EGR4: variants seen among roughly 807,000 people sequenced by gnomAD.
The protein encoded by EGR4 is early growth response protein 4.
In EGR4, 22 loss-of-function variants were observed where a neutral mutation model predicts 25.4. The observed-to-expected ratio is 0.87, with a 90% CI of 0.62 to 1.24. The LOEUF (loss-of-function observed/expected upper bound fraction) is 1.24, where lower values mean the gene tolerates loss of function less well. Ranked by LOEUF, EGR4 falls within the 50% of genes most tolerant of loss-of-function variation. EGR4 has a pLI of 0.00. For missense variants in EGR4, 742 were observed against 702.9 expected (o/e 1.06, Z -0.63); for synonymous variants, 375 against 320.1 (o/e 1.17, Z -1.83).
chr2:73,291,967 G>T lies in EGR4; in HGVS notation c.951C>A (p.Arg317=), dbSNP rs772427383. 2 of 1,596,460 alleles carry T rather than the reference G, an allele frequency of 1.3e-6. No homozygotes were observed. Among genetic ancestry groups the T allele is most frequent in the South Asian group, 2.3e-5 (2 of 88,310 alleles). ...TAGGGAAGTCCGCCGCGGCGGCGCT[G>T]CGAAGGCCCAGCGGGGAAAGCTGAG... ...TQPQLSPLGL[R]SAAAADFPKP... is the part of the protein sequence containing the mutation. Residue 317 remains arginine, a synonymous_variant, in exon 2 of 2, where the codon CGC becomes CGA. Coordinates refer to ENST00000436467, the MANE Select transcript of EGR4 (RefSeq NM_001965.4).
In EGR4 at chr2:73,292,248, CTCCCTG is replaced by C; in HGVS notation, c.664_669del (p.Gln222_Gly223del). 6.2e-7 allele frequency: 1 copy of C among 1,610,752 alleles called. No individual in the cohort carries two copies. The highest frequency in any genetic ancestry group is 8.5e-7 in the Non-Finnish European group (1 of 1,178,768). On this transcript the variant is annotated inframe_deletion, in exon 2 of 2. Transcript: ENST00000436467. ...CGAGCCTCCGGGGCGGCCTGGTAGT[CTCCCTG>C]TGACCCACAGTTCCCTGGGGCCCCC...
In EGR4 at chr2:73,293,519, TC is replaced by T; in HGVS notation, c.-203del. 1.4e-6 allele frequency: 2 copies of T among 1,478,796 alleles called. No individual in the cohort carries two copies. The highest frequency in any genetic ancestry group is 1.8e-6 in the Non-Finnish European group (2 of 1,116,456). 91.6% of individuals were successfully genotyped at this position (1,478,796 alleles called of 1,614,324 possible). A position where few individuals can be genotyped will look rare whatever the true frequency, so the allele number is the denominator to read the frequency against. On this transcript the variant is annotated 5_prime_UTR_variant, in exon 1 of 2. Coordinates refer to ENST00000436467, the MANE Select transcript of EGR4 (RefSeq NM_001965.4). The stretch of plus-strand genomic sequence containing the variant: ...GCCCGCACCGGCCTCGGGCGGCGGC[TC>T]CTCGCCTCTCCAAAGCGCTGCCGGG...
Position 73,293,322 on chromosome 2 carries a change from C to T in EGR4, c.-5G>A, listed in dbSNP as rs1235793301. 4.4e-6 allele frequency: 7 copies of T among 1,574,890 alleles called. No homozygotes were observed. Among genetic ancestry groups the T allele is most frequent in the East Asian group, 4.7e-5 (2 of 42,502 alleles). ...AAACTCGCTAAGGTGGAGCATGGCG[C>T]GGCGCCGGCTGTGGGGCGCCCGGGG... On this transcript the variant is annotated 5_prime_UTR_variant, in exon 1 of 2. Coordinates refer to ENST00000436467, the MANE Select transcript of EGR4 (RefSeq NM_001965.4).
Position 73,292,544 on chromosome 2 carries a change from G to A in EGR4, c.374C>T (p.Pro125Leu). The change falls in exon 2 of 2, where the codon CCG (proline) becomes CTG (leucine). Residue 125 changes from proline (P) to leucine (L), a missense_variant. Pro to Leu is a moderately conservative substitution (Grantham distance 98, BLOSUM62 -3). Transcript: ENST00000436467. Reference protein sequence around the residue: ...PGPEAAASRSPLDAPFPAGSD... With the variant: ...PGPEAAASRSLLDAPFPAGSD... ...CCCCGCAGGAAAAGGGGCATCCAGC[G>A]GGGATCTGGACGCTGCTGCCTCTGG... 1 of 1,512,728 alleles carries A rather than the reference G, an allele frequency of 6.6e-7. No individual in the cohort carries two copies. Among genetic ancestry groups the A allele is most frequent in the African/African-American group, 1.4e-5 (1 of 71,640 alleles). The allele number at this position is 1,512,728 out of a possible 1,614,324, so 93.7% of individuals were successfully genotyped here.
Position 73,293,247 on chromosome 2 carries a change from T to A in EGR4, c.71A>T (p.Glu24Val). The change falls in exon 1 of 2, where the codon GAA becomes GTA. Residue 24 changes from glutamate to valine, a missense_variant. By Grantham distance (121) the Glu-to-Val change is moderately radical. Transcript: ENST00000436467. ...CAGCCGGGGCAATTCAGCGCTGGGTTCGGCGCAACAGCCTTCAGTGGACTT... is the reference window on the plus strand; with the variant it reads ...CAGCCGGGGCAATTCAGCGCTGGGTACGGCGCAACAGCCTTCAGTGGACTT... ...LVKSTEGCCA[E>V]PSAELPRLPA... The A allele has an allele frequency of 6.3e-7, 1 of 1,576,920 alleles. No individual in the cohort carries two copies. The highest frequency in any genetic ancestry group is 1.2e-5 in the South Asian group (1 of 84,848).
rs367702367 is a variant in EGR4 at position 73,291,816 on chromosome 2, T to C, written c.1102A>G (p.Thr368Ala). Reference protein sequence around the residue: ...RKGRRGGKCSTRCFCPRPHAK... With the variant: ...RKGRRGGKCSARCFCPRPHAK... ...TGCGGCCGCGGGCAGAAGCAGCGCG[T>C]GCTGCATTTGCCGCCGCGGCGCCCC... is the stretch of plus-strand genomic sequence containing the variant. The change falls in exon 2 of 2, where the codon ACG becomes GCG. Residue 368 changes from threonine to alanine, a missense_variant. By Grantham distance (58) the Thr-to-Ala change is moderately conservative. Transcript: ENST00000436467. The C allele has an allele frequency of 5.5e-5, 87 of 1,590,578 alleles. No homozygotes were observed. The highest frequency in any genetic ancestry group is 6.8e-5 in the Non-Finnish European group (80 of 1,173,756).
At position 73,291,900 on chromosome 2, in the gene EGR4, C is replaced by A. The variant is rs1472614080; in HGVS notation, c.1018G>T (p.Ala340Ser). The change falls in exon 2 of 2, where the codon GCA becomes TCA. Residue 340 changes from alanine to serine, a missense_variant. Transcript: ENST00000436467. ...ADIPGSSGVA[A>S]PPVPPPPPTP... ...GGCGGCGGCGGCGGCACGGGTGGTG[C>A]AGCCACGCCACTGCTTCCAGGGATG... The A allele has an allele frequency of 3.2e-6, 5 of 1,573,108 alleles. No homozygotes were observed. Among genetic ancestry groups the A allele is most frequent in the Middle Eastern group, 1.7e-4 (1 of 6,000 alleles).
rs777908272 is a variant in EGR4 at position 73,293,250 on chromosome 2, G to A, written c.68C>T (p.Ala23Val). ...LLVKSTEGCCAEPSAELPRLP... is the reference protein window; with the variant it reads ...LLVKSTEGCCVEPSAELPRLP... ...CCGGGGCAATTCAGCGCTGGGTTCG[G>A]CGCAACAGCCTTCAGTGGACTTGAC... The change falls in exon 1 of 2, where the codon GCC (alanine) becomes GTC (valine). Residue 23 changes from alanine to valine, a missense_variant. By Grantham distance (64) the Ala-to-Val change is moderately conservative (BLOSUM62 0). Transcript: ENST00000436467. The A allele has an allele frequency of 6.3e-7, 1 of 1,579,086 alleles. No individual in the cohort carries two copies. The highest frequency in any genetic ancestry group is 2.3e-5 in the East Asian group (1 of 42,888).
rs1290508750 is a variant in EGR4, at chr2:73,290,941, A to T, written c.*516T>A. 1 of 153,922 alleles carries T rather than the reference A, an allele frequency of 6.5e-6. No individual in the cohort carries two copies. The highest frequency in any genetic ancestry group is 1.4e-5 in the Non-Finnish European group (1 of 69,200). 9.5% of individuals were successfully genotyped at this position (153,922 alleles called of 1,614,324 possible). A position where few individuals can be genotyped will look rare whatever the true frequency, so the allele number is the denominator to read the frequency against. ...ATGGCAGATTCAGTAAGCTTTTAGCACAATAATTTTAATTGCAAAAATAAA... is the reference window on the plus strand; with the variant it reads ...ATGGCAGATTCAGTAAGCTTTTAGCTCAATAATTTTAATTGCAAAAATAAA... On this transcript the variant is annotated 3_prime_UTR_variant, in exon 2 of 2. Coordinates refer to ENST00000436467, the MANE Select transcript of EGR4 (RefSeq NM_001965.4).
chr2:73,291,769 C>T lies in EGR4; in HGVS notation c.1149G>A (p.Pro383=), dbSNP rs776197204. Residue 383 remains proline, a synonymous_variant, in exon 2 of 2, where the codon CCG becomes CCA. Coordinates refer to ENST00000436467, the MANE Select transcript of EGR4 (RefSeq NM_001965.4). ...PRPHAKAFAC[P]VESCVRSFAR... ...CAAAGCTCCGCACACAACTCTCCAC[C>T]GGGCAAGCGAAGGCCTTGGCGTGCG... is the stretch of plus-strand genomic sequence containing the variant. The T allele has an allele frequency of 5.0e-6, 8 of 1,601,030 alleles. No individual in the cohort carries two copies. The highest frequency in any genetic ancestry group is 4.5e-5 in the East Asian group (2 of 44,814).
Position 73,291,690 on chromosome 2 carries a change from A to G in EGR4, c.1228T>C (p.Phe410Leu). ...TTGCGGAGGCAGATGCGGCACTGGA[A>G]GGGTTTGTGGCCCGTGTGGATGCGC... is the stretch of plus-strand genomic sequence containing the variant. ...HLRIHTGHKP[F>L]QCRICLRNFS... is the part of the protein sequence containing the mutation. The change falls in exon 2 of 2, where the codon TTC becomes CTC. Residue 410 changes from phenylalanine to leucine, a missense_variant. Phe to Leu is a conservative substitution (Grantham distance 22, BLOSUM62 0). Coordinates refer to ENST00000436467, the MANE Select transcript of EGR4 (RefSeq NM_001965.4). 2.5e-6 allele frequency: 4 copies of G among 1,609,142 alleles called. No homozygotes were observed. The highest frequency in any genetic ancestry group is 3.4e-6 in the Non-Finnish European group (4 of 1,179,844).
rs1341735985 is a variant in EGR4, at chr2:73,292,515, C to T, written c.403G>A (p.Asp135Asn). 9.9e-6 allele frequency: 15 copies of T among 1,517,626 alleles called. No individual in the cohort carries two copies. The highest frequency in any genetic ancestry group is 1.4e-5 in the African/African-American group (1 of 71,696). The allele number at this position is 1,517,626 out of a possible 1,614,324, so 94.0% of individuals were successfully genotyped here. The stretch of plus-strand genomic sequence containing the variant: ...TCCGGCGGACCCGGCAGCAAGGCAT[C>T]GGACCCCGCAGGAAAAGGGGCATCC... ...PLDAPFPAGSDALLPGPPDLY... is the reference protein window; with the variant it reads ...PLDAPFPAGSNALLPGPPDLY... Residue 135 changes from aspartate to asparagine, a missense_variant, in exon 2 of 2, where the codon GAT becomes AAT. Physicochemically the swap from Asp to Asn is conservative, Grantham distance 23 (BLOSUM62 1). Transcript: ENST00000436467.
rs1028881840 is a variant in EGR4 at position 73,291,620 on chromosome 2, G to A, written c.1298C>T (p.Thr433Ile). The change falls in exon 2 of 2, where the codon ACC (threonine) becomes ATC (isoleucine). Residue 433 changes from threonine (T) to isoleucine (I), a missense_variant. By Grantham distance (89) the Thr-to-Ile change is moderately conservative. Transcript: ENST00000436467. ...DHLTTHVRTH[T>I]GEKPFACDVC... ...GTCGCAAGCAAAAGGCTTCTCGCCG[G>A]TGTGGGTGCGCACGTGCGTGGTGAG... 1 of 1,613,028 alleles carries A rather than the reference G, an allele frequency of 6.2e-7. No homozygotes were observed. The highest frequency in any genetic ancestry group is 8.5e-7 in the Non-Finnish European group (1 of 1,179,928).
chr2:73,291,626 G>A lies in EGR4; in HGVS notation c.1292C>T (p.Thr431Ile). Residue 431 changes from threonine to isoleucine, a missense_variant, in exon 2 of 2, where the codon ACC becomes ATC. Coordinates refer to ENST00000436467, the MANE Select transcript of EGR4 (RefSeq NM_001965.4). Reference protein sequence around the residue: ...RSDHLTTHVRTHTGEKPFACD... With the variant: ...RSDHLTTHVRIHTGEKPFACD... ...AGCAAAAGGCTTCTCGCCGGTGTGG[G>A]TGCGCACGTGCGTGGTGAGGTGGTC... is the stretch of plus-strand genomic sequence containing the variant. 1.9e-6 allele frequency: 3 copies of A among 1,612,850 alleles called. No individual in the cohort carries two copies. Among genetic ancestry groups the A allele is most frequent in the Non-Finnish European group, 2.5e-6 (3 of 1,179,924 alleles).
In EGR4 at chr2:73,291,953, G is replaced by T; in HGVS notation, c.965C>A (p.Ala322Glu). The T allele has an allele frequency of 6.3e-7, 1 of 1,590,378 alleles. No homozygotes were observed. The highest frequency in any genetic ancestry group is 1.1e-5 in the South Asian group (1 of 87,868). Residue 322 changes from alanine (A) to glutamate (E), a missense_variant, in exon 2 of 2, where the codon GCG becomes GAG. Physicochemically the swap from Ala to Glu is moderately radical, Grantham distance 107. Transcript: ENST00000436467. ...CGCCACCAGAGGTTTAGGGAAGTCCGCCGCGGCGGCGCTGCGAAGGCCCAG... is the reference window on the plus strand; with the variant it reads ...CGCCACCAGAGGTTTAGGGAAGTCCTCCGCGGCGGCGCTGCGAAGGCCCAG... ...SPLGLRSAAA[A>E]DFPKPLVADI...
chr2:73,292,628 T>C lies in EGR4; in HGVS notation c.290A>G (p.Asp97Gly), dbSNP rs1689134261. The change falls in exon 2 of 2, where the codon GAC (aspartate) becomes GGC (glycine). Residue 97 changes from aspartate (D) to glycine (G), a missense_variant. Physicochemically the swap from Asp to Gly is moderately conservative, Grantham distance 94. Coordinates refer to ENST00000436467, the MANE Select transcript of EGR4 (RefSeq NM_001965.4). ...CATGAGGTTGAAGAGTGCCTCCGGG[T>C]CGTGCGGGTGTTCGGGCACTGCCTG... ...FIQAVPEHPH[D>G]PEALFNLMSG... The C allele has an allele frequency of 1.3e-6, 2 of 1,546,296 alleles. No homozygotes were observed. Among genetic ancestry groups the C allele is most frequent in the Non-Finnish European group, 1.7e-6 (2 of 1,146,808 alleles).
In EGR4 at chr2:73,292,366, G is replaced by C. The variant is rs779921623; in HGVS notation, c.552C>G (p.Pro184=). The C allele has an allele frequency of 8.8e-5, 136 of 1,552,888 alleles. No individual in the cohort carries two copies. Among genetic ancestry groups the C allele is most frequent in the Non-Finnish European group, 1.1e-4 (131 of 1,151,500 alleles). ...EPQLSPPDVK[P]GLRAPPASPA... Reference sequence around the variant, plus strand: ...GCGAGGCGGGAGGCGCCCGGAGGCCGGGCTTGACGTCGGGCGGGGAGAGCT... The same window carrying C: ...GCGAGGCGGGAGGCGCCCGGAGGCCCGGCTTGACGTCGGGCGGGGAGAGCT... Residue 184 remains proline (P), a synonymous_variant, in exon 2 of 2, where the codon CCC becomes CCG. Transcript: ENST00000436467.
At position 73,291,357 on chromosome 2, in the gene EGR4, G is replaced by T. The variant is rs193016656; in HGVS notation, c.*100C>A. 6.7e-7 allele frequency: 1 copy of T among 1,484,802 alleles called. No individual in the cohort carries two copies. The highest frequency in any genetic ancestry group is 1.4e-5 in the African/African-American group (1 of 71,034). 92.0% of individuals were successfully genotyped at this position (1,484,802 alleles called of 1,614,324 possible). A position where few individuals can be genotyped will look rare whatever the true frequency, so the allele number is the denominator to read the frequency against. The stretch of plus-strand genomic sequence containing the variant: ...GAAGCGGGACCGGAGGCCGGCCCTC[G>T]GGCGTGCGAGGAGGAGTTGGAAGAA... On this transcript the variant is annotated 3_prime_UTR_variant, in exon 2 of 2. Transcript: ENST00000436467.
In EGR4 at chr2:73,291,669, G is replaced by A. The variant is rs771686012; in HGVS notation, c.1249C>T (p.Arg417Cys). Residue 417 changes from arginine (R) to cysteine (C), a missense_variant, in exon 2 of 2, where the codon CGC becomes TGC. Transcript: ENST00000436467. The stretch of plus-strand genomic sequence containing the variant: ...AGGTGGTCGCTGCGGCTGAAGTTGC[G>A]GAGGCAGATGCGGCACTGGAAGGGT... Reference protein sequence around the residue: ...HKPFQCRICLRNFSRSDHLTT... With the variant: ...HKPFQCRICLCNFSRSDHLTT... The A allele has an allele frequency of 6.2e-7, 1 of 1,611,130 alleles. No homozygotes were observed. Among genetic ancestry groups the A allele is most frequent in the South Asian group, 1.1e-5 (1 of 91,078 alleles).
Sources: gnomAD v4.1 joint callset for allele counts on GRCh38, gnomAD v4.1.1 for gene constraint, MANE v1.5 for transcripts, NCBI Gene and HGNC (gene_info 2026-07-23, HGNC 2026-07-21) for gene names.